Variants in ABCA3 observed in about 807,000 individuals in gnomAD.
The protein encoded by ABCA3 is ATP binding cassette subfamily A member 3.
A neutral mutation model predicts 172.8 loss-of-function variants in ABCA3; 88 were observed. That is an observed-to-expected ratio of 0.51 (90% confidence interval 0.43 to 0.61). The LOEUF (loss-of-function observed/expected upper bound fraction) is 0.61, where lower values mean the gene tolerates loss of function less well. Ranked by LOEUF, ABCA3 falls within the 20% of genes least tolerant of loss-of-function variation. The pLI is 0.00. For synonymous variants in ABCA3, 1,066 were observed against 983.8 expected (o/e 1.08, Z -1.56); for missense variants, 2,164 against 2,301.0 (o/e 0.94, Z 1.22).
chr16:2,324,608 T>C (rs1381316384), intron 5 of ABCA3, 77 bp from the exon 6 acceptor site: 4 of 1,591,588 alleles, frequency 2.5e-6, no homozygotes, highest in African/African-American at 2.7e-5. Flanking sequence ...TTCAGGTCAC[T>C]GGCAGATGAA....
intron 10 of ABCA3, among the ~76,000 whole-genome samples, chr16:2,314,929 G>C (rs1370914243): frequency 1.4e-5 from 2 of 144,078 alleles, no homozygotes; most frequent in South Asian, 2.2e-4. Flanking sequence ...CCAGGCTGGA[G>C]TGCACTGGCA....
At chr16:2,288,962 A>C in intron 20 of ABCA3, 2 of 195,632 alleles carry the variant, frequency 1.0e-5, no homozygotes, top group Non-Finnish European at 2.1e-5. Flanking sequence ...CGAGCCTCCC[A>C]ACCAGCCTGA....
chr16:2,298,443 C>G lies in ABCA3; in HGVS notation c.1839G>C (p.Gln613His). ...QIRKSLGLCP[Q>H]HDILFDNLTV... ...TCAAGTTGTCAAACAGGATGTCGTG[C>G]TGCGGGCACAGGCCCAGGCTCTTCC... The change falls in exon 15 of 33, where the codon CAG becomes CAC. Residue 613 changes from glutamine to histidine, a missense_variant. Physicochemically the swap from Gln to His is conservative, Grantham distance 24. Coordinates refer to ENST00000301732, the MANE Select transcript of ABCA3 (RefSeq NM_001089.3). 1 of 1,614,158 alleles carries G rather than the reference C, an allele frequency of 6.2e-7. No homozygotes were observed. The highest frequency in any genetic ancestry group is 8.5e-7 in the Non-Finnish European group (1 of 1,180,032).
intron 5 of ABCA3, 120 bp from the exon 6 acceptor site, chr16:2,324,651 T>C (rs1033299299): frequency 2.7e-5 from 38 of 1,428,612 alleles, no homozygotes; most frequent in Non-Finnish European, 3.5e-5. Context: ...TTGTAAACCC[T>C]TCCTGAGACT....
chr16:2,288,842 G>A (rs1196923304), intron 20 of ABCA3, among the ~76,000 whole-genome samples: 4 of 152,164 alleles, frequency 2.6e-5, no homozygotes, highest in African/African-American at 7.2e-5. Context: ...CACCACACCC[G>A]GCCCAGACAC....
intron 17 of ABCA3, among the ~76,000 whole-genome samples, 199 bp from the exon 18 acceptor site, chr16:2,295,939 G>A (rs971929177): frequency 6.6e-6 from 1 of 152,210 alleles, no homozygotes; most frequent in Non-Finnish European, 1.5e-5. Flanking sequence ...CTCCTGCTGG[G>A]AAGAGCTGCT....
chr16:2,311,501 T>C (rs973079215), intron 10 of ABCA3, among the ~76,000 whole-genome samples: 1 of 152,032 alleles, frequency 6.6e-6, no homozygotes, highest in African/African-American at 2.4e-5. Flanking sequence ...TTAACATCCA[T>C]TGGTTTATCC....
Position 2,281,952 on chromosome 16 carries a change from G to C in ABCA3, c.4036-443C>G, listed in dbSNP as rs548213718. Among the ~76,000 whole-genome samples the C allele has an allele frequency of 3.9e-5, 6 of 152,132 alleles. No homozygotes were observed. Among genetic ancestry groups the C allele is most frequent in the African/African-American group, 9.6e-5 (4 of 41,496 alleles). On this transcript the variant is annotated intron_variant, in intron 26 of 32. Transcript: ENST00000301732. This position sits in a 1 kb window ranked among gnomAD's most constrained non-coding sequence, Gnocchi z 4.7. The stretch of plus-strand genomic sequence containing the variant: ...CCCGAGTAGCGCGCCACCACGCCCA[G>C]CTAATTTTTGTATTTTTAGTAGAGA...
intron 11 of ABCA3, among the ~76,000 whole-genome samples, chr16:2,306,974 C>T (rs2093698747): frequency 7.1e-6 from 1 of 141,564 alleles, no homozygotes; most frequent in Non-Finnish European, 1.5e-5. Context: ...GAGATTGCGC[C>T]ACTGCCCTCC....
rs762267459 is a variant in ABCA3, at chr16:2,297,320, A to G, written c.2263+9T>C. 1.2e-5 allele frequency: 19 copies of G among 1,608,952 alleles called. No homozygotes were observed. In the African/African-American group the frequency reaches 2.4e-4, roughly 20 times the overall value. On this transcript the variant is annotated intron_variant, in intron 17 of 32. Coordinates refer to ENST00000301732, the MANE Select transcript of ABCA3 (RefSeq NM_001089.3). The surrounding 1 kb of genome is among the most constrained non-coding windows in gnomAD (Gnocchi z 5.6). The stretch of plus-strand genomic sequence containing the variant: ...ACCGACCCTGTCGCGGGCTGGCCCC[A>G]CCGCTCACCGTATTTCTGCTTGAGG...
intron 6 of ABCA3, among the ~76,000 whole-genome samples, chr16:2,324,142 A>C (rs1794066608): frequency 6.6e-6 from 1 of 152,208 alleles, no homozygotes; most frequent in Non-Finnish European, 1.5e-5. Flanking sequence ...TCATAAAATG[A>C]GGGAACAGAA....
intron 12 of ABCA3, among the ~76,000 whole-genome samples, chr16:2,303,076 G>A (rs1160194486): frequency 6.6e-6 from 1 of 152,042 alleles, no homozygotes; most frequent in East Asian, 1.9e-4. Context: ...TGGGATTACA[G>A]GGGTGAGCCA....
At chr16:2,317,532 C>G in intron 9 of ABCA3, 116 bp downstream of exon 9, 1 of 1,580,888 alleles carries the variant, frequency 6.3e-7, no homozygotes, top group Non-Finnish European at 8.7e-7. Context: ...TCCTCTCCCC[C>G]ATGAGGGACA....
Position 2,323,396 on chromosome 16 carries a change from G to C in ABCA3, c.613+127C>G, listed in dbSNP as rs2093729070. ...CACTATTCACAACAGCAAAGACTTG[G>C]AACCAAGCCAAATGTCCTGAAAAGT... is the stretch of plus-strand genomic sequence containing the variant. On this transcript the variant is annotated intron_variant, in intron 7 of 32. Coordinates refer to ENST00000301732, the MANE Select transcript of ABCA3 (RefSeq NM_001089.3). 7.0e-6 allele frequency: 9 copies of C among 1,287,514 alleles called. No homozygotes were observed. The South Asian group carries it at 1.1e-4, about 15-fold the overall frequency. 79.8% of individuals were successfully genotyped at this position (1,287,514 alleles called of 1,614,324 possible). A position where few individuals can be genotyped will look rare whatever the true frequency, so the allele number is the denominator to read the frequency against.
In ABCA3 at chr16:2,278,475, G is replaced by A; in HGVS notation, c.4548-17C>T. On this transcript the variant is annotated splice_polypyrimidine_tract_variant and intron_variant, in intron 29 of 32. Transcript: ENST00000301732. The surrounding 1 kb of genome is among the most constrained non-coding windows in gnomAD (Gnocchi z 4.4). Reference sequence around the variant, plus strand: ...TTACCACCACTAGAGGCAGGAGGGTGCCAGGTGGGGGAATAAGGCTGAGAG... The same window carrying A: ...TTACCACCACTAGAGGCAGGAGGGTACCAGGTGGGGGAATAAGGCTGAGAG... The A allele has an allele frequency of 1.9e-6, 3 of 1,609,372 alleles. No individual in the cohort carries two copies. The highest frequency in any genetic ancestry group is 1.7e-6 in the Non-Finnish European group (2 of 1,179,972).
At chr16:2,336,846 T>C (rs918080162) in intron 1 of ABCA3, among the ~76,000 whole-genome samples, 4 of 152,118 alleles carry the variant, frequency 2.6e-5, no homozygotes, top group East Asian at 1.9e-4. Flanking sequence ...AGCATGTTTA[T>C]ACAATAGTTT....
chr16:2,308,533 AG>A lies in ABCA3; in HGVS notation c.1201del (p.Leu401Ter). The A allele has an allele frequency of 6.2e-7, 1 of 1,614,224 alleles. No homozygotes were observed. The highest frequency in any genetic ancestry group is 8.5e-7 in the Non-Finnish European group (1 of 1,180,032). On this transcript the variant is annotated frameshift_variant, in exon 11 of 33. Transcript: ENST00000301732. LOFTEE classifies it high-confidence loss of function. Reference protein sequence around the residue: ...FVAPRYNWMTLSQKLCSCLLS... With the variant: ...FVAPRYNWMTXSQKLCSCLLS... ...GAGGCAGGAGCAGAGCTTCTGGCTC[AG>A]AGTCATCCAGTTGTACCGAGGGGCC... is the stretch of plus-strand genomic sequence containing the variant.
At chr16:2,308,651 G>A (rs368252192) in intron 10 of ABCA3, 28 bp from the exon 11 acceptor site, 36 of 1,612,180 alleles carry the variant, frequency 2.2e-5, no homozygotes, top group African/African-American at 2.0e-4. Context: ...CCCGGGGGGC[G>A]TGAGCGTCAG....
rs1351874328 is a variant in ABCA3, at chr16:2,284,884, T to C, written c.3598A>G (p.Asn1200Asp). 2 of 1,613,484 alleles carry C rather than the reference T, an allele frequency of 1.2e-6. No homozygotes were observed. Among genetic ancestry groups the C allele is most frequent in the Middle Eastern group, 1.7e-4 (1 of 6,060 alleles). Residue 1200 changes from asparagine (N) to aspartate (D), a missense_variant, in exon 24 of 33, where the codon AAC becomes GAC. Transcript: ENST00000301732. The surrounding 1 kb of genome is among the most constrained non-coding windows in gnomAD (Gnocchi z 5.9). ...GTGGCCGCCCCCAAGAAGAAGAAGT[T>C]CATCAGGTACATGAGGGGGATGATG... ...WAIIPLMYLM[N>D]FFFLGAATAY...
Sources: gnomAD v4.1 joint callset for allele counts (sites outside exome capture counted in the v4.1 genomes callset) on GRCh38, gnomAD v4.1.1 for gene constraint, Gnocchi (gnomAD v3.1) non-coding constraint, MANE v1.5 for transcripts, NCBI Gene and HGNC (gene_info 2026-07-23, HGNC 2026-07-21) for gene names.